The following ARHGEF12 variants were observed in gnomAD, a reference collection of about 807,000 sequenced individuals.
The protein encoded by ARHGEF12 is KMT2A/ARHGEF12 fusion protein.
A neutral mutation model predicts 211.2 loss-of-function variants in ARHGEF12; 66 were observed. That is an observed-to-expected ratio of 0.31 (90% CI 0.26 to 0.38). The LOEUF (loss-of-function observed/expected upper bound fraction) is 0.38, where lower values mean the gene tolerates loss of function less well. ARHGEF12 is among the 10% of genes least tolerant of loss of function. ARHGEF12 has a pLI of 1.00. For synonymous variants in ARHGEF12, 592 were observed against 638.4 expected (o/e 0.93, Z 1.09); for missense variants, 1,429 against 1,869.5 (o/e 0.76, Z 4.34).
chr11:120,421,965 T>A (rs190745148), intron 6 of ARHGEF12, 113 bp downstream of exon 6: 6 of 742,222 alleles, frequency 8.1e-6, no homozygotes, highest in Non-Finnish European at 1.1e-5. Context: ...CTTCTATGTA[T>A]GATAGATCTG....
chr11:120,409,272 C>T, intron 3 of ARHGEF12, 122 bp from the exon 4 acceptor site: 7 of 864,036 alleles, frequency 8.1e-6, no homozygotes, highest in Non-Finnish European at 1.3e-5. Flanking sequence ...CTGTTATGTT[C>T]ATACTTTGTG....
chr11:120,478,477 A>T, intron 37 of ARHGEF12, 88 bp downstream of exon 37: 2 of 1,207,696 alleles, frequency 1.7e-6, no homozygotes, highest in Non-Finnish European at 2.4e-6. Flanking sequence ...ATCAAACTCC[A>T]CTTATTCTTC....
chr11:120,400,767 A>G (rs1297763968), intron 1 of ARHGEF12, among the ~76,000 whole-genome samples: 2 of 152,238 alleles, frequency 1.3e-5, no homozygotes, highest in Non-Finnish European at 1.5e-5. Context: ...GATTTGTCAA[A>G]GTGTGTCCAG....
chr11:120,369,860 G>T (rs1239490117), intron 1 of ARHGEF12, among the ~76,000 whole-genome samples: 1 of 152,134 alleles, frequency 6.6e-6, no homozygotes, highest in Admixed American at 6.5e-5. Flanking sequence ...GGGGGACGAG[G>T]CAAGCAAATA....
At chr11:120,459,762 G>T (rs945451588) in intron 26 of ARHGEF12, among the ~76,000 whole-genome samples, 11 of 152,144 alleles carry the variant, frequency 7.2e-5, no homozygotes, top group African/African-American at 2.7e-4. Context: ...AAGCTGGAGT[G>T]CAGTGGTGCA....
chr11:120,429,469 A>C lies in ARHGEF12; in HGVS notation c.615A>C (p.Lys205Asn). 1 of 1,613,828 alleles carries C rather than the reference A, an allele frequency of 6.2e-7. No individual in the cohort carries two copies. Among genetic ancestry groups the C allele is most frequent in the Non-Finnish European group, 8.5e-7 (1 of 1,179,858 alleles). ...GEENNVVHNQ[K>N]VEILRKMLQK... Reference sequence around the variant, plus strand: ...AAAACAATGTGGTTCATAACCAGAAAGTAGAAATTCTGAGAAAAATGTTAC... The same window carrying C: ...AAAACAATGTGGTTCATAACCAGAACGTAGAAATTCTGAGAAAAATGTTAC... Residue 205 changes from lysine (K) to asparagine (N), a missense_variant, in exon 9 of 41, where the codon AAA becomes AAC. Lys to Asn is a moderately conservative substitution (Grantham distance 94). Transcript: ENST00000397843.
In ARHGEF12 at chr11:120,394,836, T is replaced by A. The variant is rs549699324; in HGVS notation, c.33-11282T>A. On this transcript the variant is annotated intron_variant, in intron 1 of 40. Coordinates refer to ENST00000397843, the MANE Select transcript of ARHGEF12 (RefSeq NM_015313.3). ...ACTTTGGGAAGCCGAGGTGGGCAGA[T>A]CACTTGAGGCAAGGAGTTCAAGACC... Among the ~76,000 whole-genome samples the A allele has an allele frequency of 2.7e-3, 406 of 151,754 alleles. 1 individual carries two copies. Among genetic ancestry groups the A allele is most frequent in the African/African-American group, 9.2e-3 (379 of 41,410 alleles).
intron 27 of ARHGEF12, chr11:120,462,653 A>G (rs778533156): frequency 7.2e-5 from 11 of 152,242 alleles, no homozygotes; most frequent in Non-Finnish European, 1.6e-4. Flanking sequence ...GTCACATACA[A>G]AGCGTTAATT....
At chr11:120,345,671 C>G (rs1942685361) in intron 1 of ARHGEF12, among the ~76,000 whole-genome samples, 1 of 142,258 alleles carries the variant, frequency 7.0e-6, no homozygotes, top group Non-Finnish European at 1.5e-5. Flanking sequence ...CCACTGCACT[C>G]CAGCCTGGGC....
In ARHGEF12 at chr11:120,477,437, T is replaced by TG; in HGVS notation, c.3453-10_3453-9insG. On this transcript the variant is annotated splice_polypyrimidine_tract_variant and intron_variant, in intron 35 of 40. Coordinates refer to ENST00000397843, the MANE Select transcript of ARHGEF12 (RefSeq NM_015313.3). ...GGTAAAAGTTTTTTTTTTTTTTTTTTTCTCTACAGAGGAGATAATGATGAA... is the reference window on the plus strand; with the variant it reads ...GGTAAAAGTTTTTTTTTTTTTTTTTTGTCTCTACAGAGGAGATAATGATGAA... 6.3e-6 allele frequency: 10 copies of TG among 1,577,076 alleles called. No individual in the cohort carries two copies. The highest frequency in any genetic ancestry group is 2.0e-5 in the Admixed American group (1 of 50,966).
At chr11:120,361,216 G>A (rs2135362843) in intron 1 of ARHGEF12, among the ~76,000 whole-genome samples, 1 of 152,312 alleles carries the variant, frequency 6.6e-6, no homozygotes. Flanking sequence ...GAGGTGAGCT[G>A]CCAGGGCGAA....
chr11:120,446,044 A>G (rs1946035556), intron 16 of ARHGEF12, among the ~76,000 whole-genome samples: 1 of 150,736 alleles, frequency 6.6e-6, no homozygotes, highest in Non-Finnish European at 1.5e-5. Flanking sequence ...CTAAAAAACA[A>G]AAAAGTAGCT....
rs1350043472 is a variant in ARHGEF12 at position 120,467,327 on chromosome 11, A to G, written c.2854+19A>G. 6.7e-7 allele frequency: 1 copy of G among 1,493,970 alleles called. No homozygotes were observed. The allele number at this position is 1,493,970 out of a possible 1,614,324, so 92.5% of individuals were successfully genotyped here. ...TACACAGGTACAGCATTTTCACTGA[A>G]ATAAAAAGCTTAAGAACAACAACAA... On this transcript the variant is annotated intron_variant, in intron 29 of 40. Transcript: ENST00000397843.
chr11:120,384,706 A>T (rs1001216983), intron 1 of ARHGEF12, among the ~76,000 whole-genome samples: 1 of 152,154 alleles, frequency 6.6e-6, no homozygotes, highest in African/African-American at 2.4e-5. Flanking sequence ...AAACACAAAC[A>T]GACAGAGTAG....
intron 1 of ARHGEF12, among the ~76,000 whole-genome samples, chr11:120,390,121 G>A (rs1005991730): frequency 3.3e-5 from 5 of 151,698 alleles, no homozygotes; most frequent in African/African-American, 4.8e-5. Flanking sequence ...TGTTTTATTC[G>A]CACACCTGGG....
In ARHGEF12 at chr11:120,434,797, T is replaced by C. The variant is rs541085721; in HGVS notation, c.925-2511T>C. Reference sequence around the variant, plus strand: ...ATTTTGATTTTCAGTTTGTGAGTGATATTTTTGAAAAATTATTTATTTTGG... The same window carrying C: ...ATTTTGATTTTCAGTTTGTGAGTGACATTTTTGAAAAATTATTTATTTTGG... On this transcript the variant is annotated intron_variant, in intron 11 of 40. Coordinates refer to ENST00000397843, the MANE Select transcript of ARHGEF12 (RefSeq NM_015313.3). 2.0e-5 allele frequency among the ~76,000 whole-genome samples: 3 copies of C among 152,320 alleles called. 1 individual carries two copies. The South Asian group carries it at 6.2e-4, about 32-fold the overall frequency.
At chr11:120,422,432 A>G (rs1180098039) in intron 6 of ARHGEF12, among the ~76,000 whole-genome samples, 2 of 152,204 alleles carry the variant, frequency 1.3e-5, no homozygotes, top group African/African-American at 2.4e-5. Flanking sequence ...ATATAGTGAG[A>G]CCCTGTCTTT....
rs771786000 is a variant in ARHGEF12, at chr11:120,480,047, G to A, written c.3854G>A (p.Arg1285Lys). 1.2e-6 allele frequency: 2 copies of A among 1,614,190 alleles called. No homozygotes were observed. Among genetic ancestry groups the A allele is most frequent in the Non-Finnish European group, 1.7e-6 (2 of 1,180,030 alleles). ...GACTGGCAACATTTCCCAAGATACA[G>A]AACAGCCTCTCAGGGGCCGCAGACA... ...QEDWQHFPRY[R>K]TASQGPQTDS... is the part of the protein sequence containing the mutation. Residue 1285 changes from arginine (R) to lysine (K), a missense_variant, in exon 38 of 41, where the codon AGA (arginine) becomes AAA (lysine). Transcript: ENST00000397843.
intron 1 of ARHGEF12, among the ~76,000 whole-genome samples, chr11:120,347,381 A>G (rs150483272): frequency 6.6e-6 from 1 of 150,630 alleles, no homozygotes; most frequent in African/African-American, 2.4e-5. Flanking sequence ...TTCATTTCTC[A>G]CTGAGCCTCT....
Sources: allele counts gnomAD v4.1 joint callset (sites outside exome capture counted in the v4.1 genomes callset), GRCh38; gene constraint gnomAD v4.1.1; transcripts MANE v1.5; gene names NCBI Gene and HGNC (gene_info 2026-07-23, HGNC 2026-07-21).